ADISSP: variants seen among roughly 807,000 people sequenced by gnomAD.
ADISSP encodes adipose secreted signaling protein.
the ADISSP span, among the ~76,000 whole-genome samples, chr20:3,761,334 T>TG: frequency 7.3e-6 from 1 of 136,432 alleles, no homozygotes; most frequent in Non-Finnish European, 1.5e-5. Context: ...GGTATGGTTT[T>TG]TGTTTTTTTT....
chr20:3,758,016 A>G, the ADISSP span, among the ~76,000 whole-genome samples: 393 of 99,088 alleles, frequency 4.0e-3, 2 homozygotes, highest in South Asian at 0.031. This position sits in a 1 kb window ranked among gnomAD's most constrained non-coding sequence, Gnocchi z 5.5. Context: ...AGCAGAAAAC[A>G]GGGGGTGATA....
the ADISSP span, chr20:3,755,740 C>A: frequency 1.9e-5 from 13 of 698,040 alleles, no homozygotes; most frequent in Non-Finnish European, 3.1e-5. Flanking sequence ...CCAACTCCCT[C>A]CATCACTCCA....
the ADISSP span, chr20:3,755,423 TCTCA>T: frequency 5.7e-6 from 9 of 1,582,534 alleles, no homozygotes; most frequent in Middle Eastern, 1.7e-4. Context: ...CACCCCATGT[TCTCA>T]CTCCCACACC....
chr20:3,759,688 T>A, the ADISSP span, among the ~76,000 whole-genome samples: 2 of 151,718 alleles, frequency 1.3e-5, no homozygotes, highest in African/African-American at 4.8e-5. This position sits in a 1 kb window ranked among gnomAD's most constrained non-coding sequence, Gnocchi z 4.6. Context: ...CCTAAAACCC[T>A]CCCTTATCCC....
At chr20:3,756,862 T>G in the ADISSP span, among the ~76,000 whole-genome samples, 1 of 152,120 alleles carries the variant, frequency 6.6e-6, no homozygotes, top group Non-Finnish European at 1.5e-5. Context: ...CATGGACCAG[T>G]AGGCAGTTGT....
At chr20:3,768,336 G>A in the ADISSP span, 1 of 152,722 alleles carries the variant, frequency 6.5e-6, no homozygotes, top group Non-Finnish European at 1.5e-5. Flanking sequence ...ACCCCCGTGC[G>A]GGCCCGAGAC....
At chr20:3,753,949 C>T in the ADISSP span, 6 of 832,078 alleles carry the variant, frequency 7.2e-6, no homozygotes, top group East Asian at 1.3e-4. Flanking sequence ...CACTCCACCC[C>T]CACACCCACC....
At chr20:3,757,358 A>C in the ADISSP span, among the ~76,000 whole-genome samples, 1 of 152,184 alleles carries the variant, frequency 6.6e-6, no homozygotes, top group Non-Finnish European at 1.5e-5. Context: ...AAAAGAAAAA[A>C]AAAAGCTGAA....
At chr20:3,762,813 A>G in the ADISSP span, among the ~76,000 whole-genome samples, 2 of 152,194 alleles carry the variant, frequency 1.3e-5, no homozygotes, top group Non-Finnish European at 2.9e-5. Flanking sequence ...CTTCAGAGCA[A>G]AAGTTTGCCA....
chr20:3,757,026 A>AAAATAAATAAATAAATAAATAAATAAAT, the ADISSP span, among the ~76,000 whole-genome samples: 8 of 150,924 alleles, frequency 5.3e-5, no homozygotes, highest in African/African-American at 1.2e-4. Context: ...TGTTTTCAGA[A>AAAATAAATAAATAAATAAATAAATAAAT]AAATAAATAA....
chr20:3,754,482 C>T, the ADISSP span: 1 of 1,614,120 alleles, frequency 6.2e-7, no homozygotes, highest in Non-Finnish European at 8.5e-7. Flanking sequence ...TGAGGACGCC[C>T]TCTTTGTGCG....
At chr20:3,759,716 A>G in the ADISSP span, among the ~76,000 whole-genome samples, 6 of 152,094 alleles carry the variant, frequency 3.9e-5, no homozygotes, top group South Asian at 1.0e-3. The surrounding 1 kb of genome is among the most constrained non-coding windows in gnomAD (Gnocchi z 4.6). Flanking sequence ...CTCTGAAAGA[A>G]ACCCAAACTC....
At chr20:3,762,978 G>A in the ADISSP span, among the ~76,000 whole-genome samples, 2 of 152,274 alleles carry the variant, frequency 1.3e-5, no homozygotes, top group African/African-American at 2.4e-5. Context: ...GGGGGGTGCC[G>A]GGCGCTGCGG....
the ADISSP span, among the ~76,000 whole-genome samples, chr20:3,763,443 G>A: frequency 1.3e-5 from 2 of 151,148 alleles, no homozygotes; most frequent in Non-Finnish European, 2.9e-5. Flanking sequence ...CTGTAATCCA[G>A]CTACTCGGGA....
At chr20:3,755,510 C>G in the ADISSP span, 1 of 1,613,064 alleles carries the variant, frequency 6.2e-7, no homozygotes, top group Non-Finnish European at 8.5e-7. Context: ...GAGGTGCAGG[C>G]TGGGGACAGG....
the ADISSP span, among the ~76,000 whole-genome samples, chr20:3,760,658 CAG>C: frequency 3.3e-5 from 5 of 152,332 alleles, no homozygotes; most frequent in East Asian, 1.9e-4. Context: ...TGGGCAAGAA[CAG>C]GGGACCACAT....
the ADISSP span, among the ~76,000 whole-genome samples, chr20:3,754,846 G>T: frequency 6.6e-6 from 1 of 152,228 alleles, no homozygotes; most frequent in Non-Finnish European, 1.5e-5. Flanking sequence ...GGCAGGGAGA[G>T]GCGGTGATGA....
chr20:3,753,847 G>A, the ADISSP span: 1 of 598,488 alleles, frequency 1.7e-6, no homozygotes, highest in East Asian at 2.8e-5. Context: ...AGGAGACTGA[G>A]GCACACAGAG....
the ADISSP span, chr20:3,754,333 G>A: frequency 1.3e-6 from 2 of 1,585,342 alleles, no homozygotes; most frequent in Non-Finnish European, 1.7e-6. Flanking sequence ...TCCCTGAGGA[G>A]GACAGAAACC....
Sources: gnomAD v4.1 joint callset for allele counts (sites outside exome capture counted in the v4.1 genomes callset) on GRCh38, gnomAD v4.1.1 for gene constraint, Gnocchi (gnomAD v3.1) non-coding constraint, MANE v1.5 for transcripts, NCBI Gene and HGNC (gene_info 2026-07-23, HGNC 2026-07-21) for gene names.